Variants in GFRAL observed in about 807,000 individuals in gnomAD.
GFRAL encodes GDNF family receptor alpha like, also known as GDNF family receptor alpha-like.
GFRAL carries 36 observed loss-of-function variants against 45.4 expected under a neutral mutation model. The ratio of observed to expected loss-of-function variants is 0.79; its 90% CI spans 0.61 to 1.05. GFRAL has a LOEUF of 1.05. Among genes scored for constraint, GFRAL ranks in the 50% least tolerant of loss-of-function variants. The probability of loss-of-function intolerance (pLI) is 0.00; values close to 1 mark genes in which losing one functional copy is unlikely to be tolerated. For missense variants in GFRAL, 507 were observed against 467.5 expected, an observed-to-expected ratio of 1.08 and a Z score of -0.78; for synonymous variants, 166 against 154.1, an observed-to-expected ratio of 1.08 and a Z score of -0.57.
At chr6:55,393,110 C>A (rs1042843494) in intron 6 of GFRAL, among the ~76,000 whole-genome samples, 1 of 151,430 alleles carries the variant, frequency 6.6e-6, no homozygotes, top group African/African-American at 2.4e-5. Context: ...AAATAAAGAT[C>A]CTCAATGAAC....
intron 2 of GFRAL, among the ~76,000 whole-genome samples, chr6:55,333,408 G>A (rs1028236808): frequency 6.6e-6 from 1 of 152,000 alleles, no homozygotes; most frequent in Non-Finnish European, 1.5e-5. Flanking sequence ...AGAATGATAT[G>A]AAAATAAAAG....
chr6:55,369,297 C>T lies in GFRAL; in HGVS notation c.952+10159C>T, dbSNP rs529109472. Among the ~76,000 whole-genome samples the T allele has an allele frequency of 2.1e-3, 313 of 152,322 alleles. 1 individual carries two copies. The highest frequency in any genetic ancestry group is 3.4e-3 in the Middle Eastern group (1 of 294). On this transcript the variant is annotated intron_variant, in intron 6 of 8. Transcript: ENST00000340465. ...AGTGAGGCAATGCCTCGCCCTGCTTCGGCTCACGCAAGGTGCGCGCACCCA... is the reference window on the plus strand; with the variant it reads ...AGTGAGGCAATGCCTCGCCCTGCTTTGGCTCACGCAAGGTGCGCGCACCCA...
intron 6 of GFRAL, among the ~76,000 whole-genome samples, chr6:55,361,527 TA>T (rs1768275549): frequency 6.6e-6 from 1 of 152,020 alleles, no homozygotes; most frequent in Non-Finnish European, 1.5e-5. Flanking sequence ...TTTTTAAAAT[TA>T]TTTTTTTCTC....
intron 8 of GFRAL, 27 bp from the exon 9 acceptor site, chr6:55,401,763 G>T: frequency 7.7e-7 from 1 of 1,294,932 alleles, no homozygotes; most frequent in Non-Finnish European, 1.1e-6. Flanking sequence ...ATGGCATGTT[G>T]TTAACTTTTA....
chr6:55,349,287 T>A (rs1768084717), intron 3 of GFRAL, among the ~76,000 whole-genome samples: 1 of 152,040 alleles, frequency 6.6e-6, no homozygotes, highest in Non-Finnish European at 1.5e-5. Flanking sequence ...TAGGACATAA[T>A]CATGAAGGGA....
intron 8 of GFRAL, among the ~76,000 whole-genome samples, chr6:55,399,870 G>A (rs975949769): frequency 6.6e-6 from 1 of 151,998 alleles, no homozygotes; most frequent in African/African-American, 2.4e-5. Context: ...TATCTTATAT[G>A]CTAATACATT....
At chr6:55,373,041 A>T (rs1015161386) in intron 6 of GFRAL, among the ~76,000 whole-genome samples, 1 of 151,742 alleles carries the variant, frequency 6.6e-6, no homozygotes, top group Non-Finnish European at 1.5e-5. Context: ...AACACACCCA[A>T]ACCCCCACTA....
chr6:55,351,620 G>A (rs773965306), intron 5 of GFRAL, 37 bp downstream of exon 5: 4 of 1,485,950 alleles, frequency 2.7e-6, no homozygotes, highest in African/African-American at 2.8e-5. Flanking sequence ...TTCTTATTTC[G>A]GCACCTTATT....
intron 5 of GFRAL, among the ~76,000 whole-genome samples, chr6:55,355,001 T>C (rs1768168274): frequency 6.6e-6 from 1 of 151,978 alleles, no homozygotes. Context: ...AAAATTATAA[T>C]ACATTATATT....
chr6:55,395,319 T>C (rs949049507), intron 6 of GFRAL, among the ~76,000 whole-genome samples: 17 of 151,736 alleles, frequency 1.1e-4, no homozygotes, highest in African/African-American at 3.9e-4. Flanking sequence ...TATTTTTTCA[T>C]TGAAAGTATT....
rs140172931 is a variant in GFRAL at position 55,333,929 on chromosome 6, T to C, written c.301T>C (p.Cys101Arg). ...CTVNKLLGKK[C>R]INKSDNVKED... ...TGTGAACAAACTGCTTGGAAAAAAA[T>C]GTATCAATAAATCAGGTAATATTTT... is the stretch of plus-strand genomic sequence containing the variant. The change falls in exon 3 of 9, where the codon TGT becomes CGT. Residue 101 changes from cysteine (C) to arginine (R), a missense_variant. Transcript: ENST00000340465. 1.3e-6 allele frequency: 2 copies of C among 1,540,354 alleles called. No individual in the cohort carries two copies. The highest frequency in any genetic ancestry group is 1.8e-6 in the Non-Finnish European group (2 of 1,141,962).
intron 6 of GFRAL, among the ~76,000 whole-genome samples, chr6:55,384,707 C>G (rs1768657046): frequency 6.6e-6 from 1 of 152,012 alleles, no homozygotes; most frequent in Non-Finnish European, 1.5e-5. Flanking sequence ...CTAAGTCAAA[C>G]CTGAACATAT....
At chr6:55,366,388 C>T (rs1207838005) in intron 6 of GFRAL, among the ~76,000 whole-genome samples, 2 of 148,882 alleles carry the variant, frequency 1.3e-5, no homozygotes, top group Non-Finnish European at 3.0e-5. Context: ...TTTCAAAAAA[C>T]CAGCTCCTGG....
chr6:55,370,893 C>T (rs1000572725), intron 6 of GFRAL, among the ~76,000 whole-genome samples: 3 of 152,174 alleles, frequency 2.0e-5, no homozygotes, highest in Non-Finnish European at 4.4e-5. Flanking sequence ...CTTGGAGCCT[C>T]AGCACATGTG....
chr6:55,332,226 ATTG>A (rs1053597656), intron 2 of GFRAL, among the ~76,000 whole-genome samples: 10 of 152,256 alleles, frequency 6.6e-5, no homozygotes, highest in East Asian at 1.9e-4. Flanking sequence ...TGTTATAATA[ATTG>A]TTGTGCATTT....
chr6:55,353,055 G>T (rs1403780137), intron 5 of GFRAL, among the ~76,000 whole-genome samples: 1 of 152,022 alleles, frequency 6.6e-6, no homozygotes, highest in African/African-American at 2.4e-5. Context: ...AAACATGTAT[G>T]TGGCATTTTA....
rs949438615 is a variant in GFRAL at position 55,368,768 on chromosome 6, A to T, written c.952+9630A>T. Among the ~76,000 whole-genome samples, 4 of 152,184 alleles carry T rather than the reference A, an allele frequency of 2.6e-5. No homozygotes were observed. The South Asian group carries it at 8.3e-4, about 31-fold the overall frequency. ...TTAGGCTGCTTGGGGGTCAGGGGTC[A>T]GGGACCCACCTGAGGAGGCAGTCTG... On this transcript the variant is annotated intron_variant, in intron 6 of 8. Coordinates refer to ENST00000340465, the MANE Select transcript of GFRAL (RefSeq NM_207410.2).
intron 8 of GFRAL, 42 bp from the exon 9 acceptor site, chr6:55,401,748 T>C: frequency 8.6e-7 from 1 of 1,158,752 alleles, no homozygotes; most frequent in Non-Finnish European, 1.3e-6. Flanking sequence ...TGTGAAATCC[T>C]TAAAATGGCA....
intron 3 of GFRAL, among the ~76,000 whole-genome samples, chr6:55,344,282 ATCC>A (rs1467895264): frequency 6.6e-6 from 1 of 152,208 alleles, no homozygotes; most frequent in East Asian, 1.9e-4. Context: ...TGATGCAAAA[ATCC>A]TCAATAAAAT....
Sources: allele counts gnomAD v4.1 joint callset (sites outside exome capture counted in the v4.1 genomes callset), GRCh38; gene constraint gnomAD v4.1.1; transcripts MANE v1.5; gene names NCBI Gene and HGNC (gene_info 2026-07-23, HGNC 2026-07-21).